FMNL3: variants seen among roughly 807,000 people sequenced by gnomAD.
FMNL3 encodes formin-like protein 3.
In FMNL3, 57 loss-of-function variants were observed where a neutral mutation model predicts 119.6. That is an observed-to-expected ratio of 0.48 (90% CI 0.39 to 0.59). FMNL3 has a LOEUF of 0.59. FMNL3 is among the 20% of genes least tolerant of loss of function. The pLI is 0.00. For missense variants in FMNL3, 1,053 were observed against 1,323.5 expected (o/e 0.80, Z 3.17); for synonymous variants, 491 against 507.3 (o/e 0.97, Z 0.43).
At chr12:49,665,698 G>T in intron 4 of FMNL3, 134 bp downstream of exon 4, 2 of 883,628 alleles carry the variant, frequency 2.3e-6, no homozygotes, top group African/African-American at 1.7e-5. Flanking sequence ...GGAGCCAGAA[G>T]CCATTCAAGG....
chr12:49,643,300 G>A lies in FMNL3; in HGVS notation c.*2515C>T. On this transcript the variant is annotated 3_prime_UTR_variant, in exon 26 of 26. Coordinates refer to ENST00000335154, the MANE Select transcript of FMNL3 (RefSeq NM_175736.5). ...AGCGGAGGAGGCGGAACCCCTCAGA[G>A]TCAGGCTCTGAGCCCTCTTCCTCAC... 2 of 1,613,032 alleles carry A rather than the reference G, an allele frequency of 1.2e-6. No individual in the cohort carries two copies. The highest frequency in any genetic ancestry group is 1.7e-6 in the Non-Finnish European group (2 of 1,179,666).
intron 1 of FMNL3, among the ~76,000 whole-genome samples, chr12:49,674,925 A>G (rs139969354): frequency 0.018 from 2,671 of 152,330 alleles, 28 homozygotes; most frequent in Non-Finnish European, 0.025. Flanking sequence ...CAGATGAAGG[A>G]GAGGTCCTAA....
Position 49,647,356 on chromosome 12 carries a change from C to T in FMNL3, c.2791G>A (p.Glu931Lys). The T allele has an allele frequency of 6.2e-7, 1 of 1,612,818 alleles. No individual in the cohort carries two copies. The highest frequency in any genetic ancestry group is 2.2e-5 in the East Asian group (1 of 44,880). Residue 931 changes from glutamate (E) to lysine (K), a missense_variant, in exon 24 of 26, where the codon GAG becomes AAG. Transcript: ENST00000335154. The surrounding 1 kb of genome is among the most constrained non-coding windows in gnomAD (Gnocchi z 4.9). The stretch of plus-strand genomic sequence containing the variant: ...TCCTGCTTCTTGCGGGCTTCATTCT[C>T]TTGTTCTGCTTCCTAAGAGCCATGG... ...FIRSYKEAEQENEARKKQEEV... is the reference protein window; with the variant it reads ...FIRSYKEAEQKNEARKKQEEV...
At chr12:49,673,771 C>T (rs1289906444) in intron 1 of FMNL3, among the ~76,000 whole-genome samples, 2 of 152,290 alleles carry the variant, frequency 1.3e-5, no homozygotes, top group African/African-American at 4.8e-5. Context: ...GCCCAGACGG[C>T]AGGCCAGCCG....
chr12:49,658,670 A>C (rs1943648092), intron 5 of FMNL3, 76 bp from the exon 6 acceptor site: 1 of 1,460,522 alleles, frequency 6.8e-7, no homozygotes, highest in Non-Finnish European at 9.1e-7. Context: ...GCCCCCCGTG[A>C]GCCCACCCCC....
At position 49,666,203 on chromosome 12, in the gene FMNL3, C is replaced by A; in HGVS notation, c.215G>T (p.Arg72Leu). The A allele has an allele frequency of 6.2e-7, 1 of 1,613,544 alleles. No individual in the cohort carries two copies. The highest frequency in any genetic ancestry group is 8.5e-7 in the Non-Finnish European group (1 of 1,179,746). The part of the protein sequence containing the change: ...KKWDLICDQE[R>L]FQVKNPPHTY... ...GTGGGGAGGATTCTTCACCTGGAAT[C>A]GTTCCTGTAAGGGAAACATGCATAT... Residue 72 changes from arginine to leucine, a missense_variant, in exon 3 of 26, where the codon CGA becomes CTA. Arg to Leu is a moderately radical substitution (Grantham distance 102). This residue lies in a region of FMNL3 where 264 missense variants were observed against 265.5 expected (regional missense o/e 0.99). Transcript: ENST00000335154.
chr12:49,681,311 C>T (rs569022558), intron 1 of FMNL3, among the ~76,000 whole-genome samples: 292 of 152,314 alleles, frequency 1.9e-3, no homozygotes, highest in Middle Eastern at 6.8e-3. Context: ...CGCCATTCTC[C>T]TGCCTCAGCC....
At position 49,673,480 on chromosome 12, in the gene FMNL3, G is replaced by A. The variant is rs143757973; in HGVS notation, c.127-4926C>T. ...CAAAGCAGGCAACACAAGGCACAAA[G>A]GCCCATTACTAGCTGCCAAAAGGAC... On this transcript the variant is annotated intron_variant, in intron 1 of 25. Coordinates refer to ENST00000335154, the MANE Select transcript of FMNL3 (RefSeq NM_175736.5). Among the ~76,000 whole-genome samples the A allele has an allele frequency of 1.1e-4, 16 of 152,352 alleles. No individual in the cohort carries two copies. In the East Asian group the frequency reaches 2.1e-3, roughly 20 times the overall value.
chr12:49,653,160 A>T, intron 13 of FMNL3, 66 bp downstream of exon 13: 4 of 1,457,988 alleles, frequency 2.7e-6, no homozygotes, highest in Non-Finnish European at 3.8e-6. Context: ...CAGGGAAAAA[A>T]AGCAGAACCC....
chr12:49,681,440 T>C (rs1468491864), intron 1 of FMNL3, among the ~76,000 whole-genome samples: 1 of 152,194 alleles, frequency 6.6e-6, no homozygotes, highest in Non-Finnish European at 1.5e-5. Flanking sequence ...CCACCCGCCT[T>C]GGCCTCCCAA....
chr12:49,676,520 G>GTTT (rs58117011), intron 1 of FMNL3, among the ~76,000 whole-genome samples: 28 of 102,998 alleles, frequency 2.7e-4, no homozygotes, highest in East Asian at 6.2e-4. Flanking sequence ...TTCATAGTGG[G>GTTT]TTTTTTTTTT....
In FMNL3 at chr12:49,636,593, T is replaced by G. The variant is rs1941836800; in HGVS notation, c.*9222A>C. 5.8e-6 allele frequency: 8 copies of G among 1,382,378 alleles called. No individual in the cohort carries two copies. The highest frequency in any genetic ancestry group is 8.0e-6 in the Non-Finnish European group (8 of 1,001,858). The allele number at this position is 1,382,378 out of a possible 1,614,324, so 85.6% of individuals were successfully genotyped here. A position where few individuals can be genotyped will look rare whatever the true frequency, so the allele number is the denominator to read the frequency against. ...TCCCACAGAGCCCCCTCCAGGCCCTTCCCCCACCACCCTGGGTATCCCTAG... is the reference window on the plus strand; with the variant it reads ...TCCCACAGAGCCCCCTCCAGGCCCTGCCCCCACCACCCTGGGTATCCCTAG... On this transcript the variant is annotated 3_prime_UTR_variant, in exon 26 of 26. Coordinates refer to ENST00000335154, the MANE Select transcript of FMNL3 (RefSeq NM_175736.5).
chr12:49,659,692 G>A (rs1369950473), intron 5 of FMNL3: 1 of 868,468 alleles, frequency 1.2e-6, no homozygotes, highest in Non-Finnish European at 1.4e-6. Context: ...GGGATTACAT[G>A]TGTGAGCCAC....
At position 49,641,049 on chromosome 12, in the gene FMNL3, T is replaced by A. The variant is rs777943076; in HGVS notation, c.*4766A>T. Reference sequence around the variant, plus strand: ...GCTATGTGGAGGGAGAGAAAGGGAATCTGGCCTGTGCTTAACTGACGTGAG... The same window carrying A: ...GCTATGTGGAGGGAGAGAAAGGGAAACTGGCCTGTGCTTAACTGACGTGAG... On this transcript the variant is annotated 3_prime_UTR_variant, in exon 26 of 26. Coordinates refer to ENST00000335154, the MANE Select transcript of FMNL3 (RefSeq NM_175736.5). The A allele has an allele frequency of 8.5e-5, 13 of 152,342 alleles. No homozygotes were observed. The highest frequency in any genetic ancestry group is 1.2e-4 in the African/African-American group (5 of 41,554). The allele number at this position is 152,342 out of a possible 1,614,324, so 9.4% of individuals were successfully genotyped here.
In FMNL3 at chr12:49,707,148, C is replaced by A; in HGVS notation, c.33G>T (p.Pro11=). The A allele has an allele frequency of 6.3e-7, 1 of 1,592,236 alleles. No homozygotes were observed. The highest frequency in any genetic ancestry group is 8.5e-7 in the Non-Finnish European group (1 of 1,170,758). ...ACAACGGGACAGAGGGGGGCTCTCC[C>A]GGGACCCCCTCGGCGCTCTCCAGGT... MGNLESAEGV[P]GEPPSVPLLL... The change falls in exon 1 of 26, where the codon CCG becomes CCT. Residue 11 remains proline (P), a synonymous_variant. Coordinates refer to ENST00000335154, the MANE Select transcript of FMNL3 (RefSeq NM_175736.5).
chr12:49,649,867 T>C lies in FMNL3; in HGVS notation c.2059A>G (p.Thr687Ala). The C allele has an allele frequency of 6.2e-7, 1 of 1,614,114 alleles. No individual in the cohort carries two copies. The highest frequency in any genetic ancestry group is 8.5e-7 in the Non-Finnish European group (1 of 1,180,008). ...FVECLMRFLP[T>A]EAEVKLLRQY... ...CGCAGCAGCTTTACCTCAGCCTCTG[T>C]GGGCAGGAAGCGCATCAGGCACTCC... Residue 687 changes from threonine to alanine, a missense_variant, in exon 18 of 26, where the codon ACA becomes GCA. Physicochemically the swap from Thr to Ala is moderately conservative, Grantham distance 58 (BLOSUM62 0). Around this residue, in one of 4 missense-constraint regions of FMNL3, gnomAD observed 445 missense variants for 628.4 expected, o/e 0.71. Coordinates refer to ENST00000335154, the MANE Select transcript of FMNL3 (RefSeq NM_175736.5). The surrounding 1 kb of genome is among the most constrained non-coding windows in gnomAD (Gnocchi z 5.6).
At chr12:49,672,653 G>A (rs1944077621) in intron 1 of FMNL3, among the ~76,000 whole-genome samples, 1 of 152,206 alleles carries the variant, frequency 6.6e-6, no homozygotes, top group South Asian at 2.1e-4. Flanking sequence ...GAGGGAGGCA[G>A]CTCTGGTGGC....
chr12:49,680,683 A>C (rs1465810137), intron 1 of FMNL3, among the ~76,000 whole-genome samples: 2 of 152,198 alleles, frequency 1.3e-5, no homozygotes, highest in African/African-American at 4.8e-5. Flanking sequence ...CACGACCCAA[A>C]TCTTCTCTGC....
intron 1 of FMNL3, among the ~76,000 whole-genome samples, chr12:49,674,894 T>C (rs1347071251): frequency 1.3e-5 from 2 of 152,356 alleles, no homozygotes; most frequent in Middle Eastern, 3.4e-3. Context: ...GGTTGAGCTC[T>C]GCAGTTCACA....
Sources: gnomAD v4.1 joint callset for allele counts (sites outside exome capture counted in the v4.1 genomes callset) on GRCh38, gnomAD v4.1.1 for gene constraint, gnomAD v4.1.1 regional missense constraint, Gnocchi (gnomAD v3.1) non-coding constraint, MANE v1.5 for transcripts, NCBI Gene and HGNC (gene_info 2026-07-23, HGNC 2026-07-21) for gene names.